Variants in ZNF560 observed in about 807,000 individuals in gnomAD.
ZNF560 encodes the protein zinc finger protein 560.
In ZNF560, 54 loss-of-function variants were observed where a neutral mutation model predicts 81.8. The observed-to-expected ratio is 0.66, with a 90% CI of 0.53 to 0.83. ZNF560 has a LOEUF of 0.83. Among genes scored for constraint, ZNF560 ranks in the 40% least tolerant of loss-of-function variants. The pLI is 0.00. For synonymous variants in ZNF560, 321 were observed against 317.9 expected (o/e 1.01, Z -0.10); for missense variants, 940 against 932.4 (o/e 1.01, Z -0.11).
chr19:9,477,707 G>A (rs1308363086), intron 2 of ZNF560, among the ~76,000 whole-genome samples: 1 of 151,998 alleles, frequency 6.6e-6, no homozygotes, highest in Non-Finnish European at 1.5e-5. Flanking sequence ...TTATTCATGA[G>A]TTCTCTTTTT....
At chr19:9,470,601 C>T in intron 6 of ZNF560, 83 bp from the exon 7 acceptor site, 2 of 1,601,862 alleles carry the variant, frequency 1.2e-6, no homozygotes, top group South Asian at 1.1e-5. Context: ...GGGACCCAAT[C>T]CCTGTACAGG....
intron 2 of ZNF560, among the ~76,000 whole-genome samples, chr19:9,483,061 T>C (rs1158928823): frequency 1.3e-5 from 2 of 152,156 alleles, no homozygotes; most frequent in South Asian, 2.1e-4. Flanking sequence ...AGTGCCGAGA[T>C]TGCAGCCTCT....
chr19:9,454,970 T>C, the ZNF560 span, among the ~76,000 whole-genome samples: 4 of 152,152 alleles, frequency 2.6e-5, no homozygotes, highest in African/African-American at 7.2e-5. Context: ...ACCTTGAAGA[T>C]AGGGAATGGC....
chr19:9,453,301 C>A, the ZNF560 span, among the ~76,000 whole-genome samples: 1 of 152,198 alleles, frequency 6.6e-6, no homozygotes, highest in Non-Finnish European at 1.5e-5. Context: ...AAATTAATTT[C>A]TGTTGCTTAA....
At chr19:9,474,059 G>A (rs2073162086) in intron 4 of ZNF560, 140 bp downstream of exon 4, 18 of 935,372 alleles carry the variant, frequency 1.9e-5, no homozygotes, top group South Asian at 5.8e-5. Flanking sequence ...CTTTGAAAAC[G>A]ACCACAGTAA....
Position 9,485,647 on chromosome 19 carries a change from T to C in ZNF560, c.-56-10278A>G, listed in dbSNP as rs146285076. 3.5e-3 allele frequency among the ~76,000 whole-genome samples: 525 copies of C among 151,618 alleles called. 4 individuals are homozygous for C. The highest frequency in any genetic ancestry group is 0.012 in the African/African-American group (507 of 41,356). ...TGCAACCTCCACCTCCTGGGTTCAA[T>C]TGATTCTCATGCCTCAGCCTCCCTA... On this transcript the variant is annotated intron_variant, in intron 2 of 9. Coordinates refer to ENST00000301480, the MANE Select transcript of ZNF560 (RefSeq NM_152476.3).
intron 3 of ZNF560, among the ~76,000 whole-genome samples, chr19:9,474,841 T>TG (rs1173949466): frequency 6.8e-6 from 1 of 146,558 alleles, no homozygotes; most frequent in African/African-American, 2.5e-5. Flanking sequence ...TTTTTTTTTT[T>TG]TTTTTTGTGG....
At chr19:9,487,013 T>G (rs939736169) in intron 2 of ZNF560, among the ~76,000 whole-genome samples, 1 of 152,014 alleles carries the variant, frequency 6.6e-6, no homozygotes, top group Non-Finnish European at 1.5e-5. Context: ...AGCAACTTCC[T>G]CTTTTCCTTT....
chr19:9,470,190 C>T (rs7257399), intron 7 of ZNF560, among the ~76,000 whole-genome samples: 66,826 of 151,926 alleles, frequency 0.44, 16,140 homozygotes, highest in Non-Finnish European at 0.55. Flanking sequence ...ATGCTACTGA[C>T]GCAAACTACC....
the ZNF560 span, among the ~76,000 whole-genome samples, chr19:9,448,450 G>T: frequency 7.0e-6 from 1 of 143,232 alleles, no homozygotes; most frequent in African/African-American, 2.7e-5. Context: ...TGGTCAGGCT[G>T]GTCTTGAACT....
chr19:9,460,226 C>A, the ZNF560 span, among the ~76,000 whole-genome samples: 1 of 152,112 alleles, frequency 6.6e-6, no homozygotes, highest in Admixed American at 6.6e-5. Flanking sequence ...CTGAGGATGA[C>A]CCCCAACTGT....
chr19:9,471,402 GT>G (rs544010624), intron 5 of ZNF560, 24 bp from the exon 6 acceptor site: 14,912 of 1,178,922 alleles, frequency 0.013, 7 homozygotes, highest in Middle Eastern at 0.017. Flanking sequence ...ATAAACTGAG[GT>G]TTTTTTTTTT....
At chr19:9,485,121 C>T (rs1272984414) in intron 2 of ZNF560, among the ~76,000 whole-genome samples, 1 of 152,154 alleles carries the variant, frequency 6.6e-6, no homozygotes, top group Non-Finnish European at 1.5e-5. Flanking sequence ...CAAACACACA[C>T]CTAGGACTTG....
At chr19:9,461,944 A>G, downstream of ZNF560, among the ~76,000 whole-genome samples, 1 of 152,238 alleles carries the variant, frequency 6.6e-6, no homozygotes, top group African/African-American at 2.4e-5. Context: ...CATAAATCCT[A>G]TGAAATGCAT....
At chr19:9,484,078 A>T (rs1481970429) in intron 2 of ZNF560, among the ~76,000 whole-genome samples, 1 of 152,160 alleles carries the variant, frequency 6.6e-6, no homozygotes, top group African/African-American at 2.4e-5. Context: ...TTTGTTAAAC[A>T]GATGCTTGAA....
intron 7 of ZNF560, 29 bp downstream of exon 7, chr19:9,470,363 T>A: frequency 6.3e-7 from 1 of 1,578,734 alleles, no homozygotes; most frequent in South Asian, 1.2e-5. Flanking sequence ...TGTTCCAGAA[T>A]AGGCTACAAG....
the ZNF560 span, among the ~76,000 whole-genome samples, chr19:9,450,156 T>C: frequency 6.7e-6 from 1 of 149,922 alleles, no homozygotes; most frequent in South Asian, 2.1e-4. Context: ...CTGGACGCAG[T>C]GGCAGGCGCC....
At chr19:9,500,513 A>ACGTT (rs2073624906), upstream of ZNF560, among the ~76,000 whole-genome samples, 1 of 151,892 alleles carries the variant, frequency 6.6e-6, no homozygotes, top group Non-Finnish European at 1.5e-5. Flanking sequence ...ATTGAATATC[A>ACGTT]CGTTAGCTGT....
upstream of ZNF560, among the ~76,000 whole-genome samples, chr19:9,499,373 T>C (rs571381226): frequency 6.6e-6 from 1 of 152,204 alleles, no homozygotes; most frequent in South Asian, 2.1e-4. Context: ...TTATTATTAT[T>C]TTGTAGAGAC....
Sources: gnomAD v4.1 joint callset for allele counts (sites outside exome capture counted in the v4.1 genomes callset) on GRCh38, gnomAD v4.1.1 for gene constraint, MANE v1.5 for transcripts, NCBI Gene and HGNC (gene_info 2026-07-23, HGNC 2026-07-21) for gene names.